Variants in C10orf105 observed in about 807,000 individuals in gnomAD.
The protein encoded by C10orf105 is chromosome 10 open reading frame 105.
A neutral mutation model predicts 0.6 loss-of-function variants in C10orf105; 2 were observed. The ratio of observed to expected loss-of-function variants is 3.18; its 90% confidence interval spans 1.30 to 10.01. The LOEUF (loss-of-function observed/expected upper bound fraction) is 10.01. Ranked by LOEUF, C10orf105 falls within the 30% of genes most tolerant of loss-of-function variation. The probability of loss-of-function intolerance (pLI) is 0.04; values close to 1 mark genes in which losing one functional copy is unlikely to be tolerated. For missense variants in C10orf105, 209 were observed against 191.4 expected (o/e 1.09, Z -0.54); for synonymous variants, 95 against 82.4 (o/e 1.15, Z -0.83).
intron 1 of C10orf105, among the ~76,000 whole-genome samples, chr10:71,726,433 C>T (rs1035379705): frequency 1.3e-5 from 2 of 152,202 alleles, no homozygotes; most frequent in Admixed American, 1.3e-4. Flanking sequence ...GGTCTGATTG[C>T]TCAGGGGCTG....
At chr10:71,733,612 T>C (rs927184556) in intron 1 of C10orf105, among the ~76,000 whole-genome samples, 2 of 152,178 alleles carry the variant, frequency 1.3e-5, no homozygotes, top group Non-Finnish European at 2.9e-5. Context: ...ATTTCTTATA[T>C]CACAATGTCA....
rs1866167321 is a variant in C10orf105, at chr10:71,715,418, A to G, written c.*518T>C. The stretch of plus-strand genomic sequence containing the variant: ...AGGGCACCAGGCAGATGCTGGCAGC[A>G]CCCGGGAAACCCAAGGAAGAGAGCC... On this transcript the variant is annotated 3_prime_UTR_variant, in exon 2 of 2. Transcript: ENST00000441508. 6.6e-6 allele frequency: 1 copy of G among 152,368 alleles called. No homozygotes were observed. The highest frequency in any genetic ancestry group is 1.5e-5 in the Non-Finnish European group (1 of 68,168). The allele number at this position is 152,368 out of a possible 1,614,324, so 9.4% of individuals were successfully genotyped here. A position where few individuals can be genotyped will look rare whatever the true frequency, so the allele number is the denominator to read the frequency against.
At chr10:71,737,387 A>T (rs905048474) in intron 1 of C10orf105, among the ~76,000 whole-genome samples, 3 of 152,242 alleles carry the variant, frequency 2.0e-5, no homozygotes, top group Non-Finnish European at 4.4e-5. Context: ...CGTGCAGCTC[A>T]TAAGTGGTTG....
At chr10:71,734,749 C>G (rs1179588936) in intron 1 of C10orf105, 3 of 829,066 alleles carry the variant, frequency 3.6e-6, no homozygotes, top group Non-Finnish European at 5.6e-6. Context: ...TCCCACCTCT[C>G]CCAGAGAGAA....
rs991884725 is a variant in C10orf105 at position 71,712,526 on chromosome 10, G to A, written c.*3410C>T. 11 of 815,972 alleles carry A rather than the reference G, an allele frequency of 1.3e-5. No individual in the cohort carries two copies. In the African/African-American group the frequency reaches 1.9e-4, roughly 14 times the overall value. The allele number at this position is 815,972 out of a possible 1,614,324, so 50.5% of individuals were successfully genotyped here. ...GTGTTATTCCTAAGCTAAAAAGGAA[G>A]TCACCCCTTGCAAAGGCTAGGGCAG... On this transcript the variant is annotated 3_prime_UTR_variant, in exon 2 of 2. Coordinates refer to ENST00000441508, the MANE Select transcript of C10orf105 (RefSeq NM_001164375.3).
At chr10:71,726,599 A>G (rs1308533429) in intron 1 of C10orf105, among the ~76,000 whole-genome samples, 2 of 152,220 alleles carry the variant, frequency 1.3e-5, no homozygotes, top group Non-Finnish European at 1.5e-5. Context: ...CCTGGTTCTT[A>G]CAGGGCCCTG....
At position 71,732,682 on chromosome 10, in the gene C10orf105, T is replaced by C. The variant is rs1406995940; in HGVS notation, c.-6+5046A>G. On this transcript the variant is annotated intron_variant, in intron 1 of 1. Coordinates refer to the C10orf105 transcript ENST00000398786. The stretch of plus-strand genomic sequence containing the variant: ...CCGAGATCAATATCCCTGTAACACA[T>C]CCATTTTCATATGTAGGAGTAAGAT... 9.7e-6 allele frequency: 13 copies of C among 1,336,346 alleles called. No homozygotes were observed. In the Admixed American group the frequency reaches 2.0e-4, roughly 21 times the overall value. 82.8% of individuals were successfully genotyped at this position (1,336,346 alleles called of 1,614,324 possible).
chr10:71,730,597 A>C, intron 1 of C10orf105: 1 of 1,613,880 alleles, frequency 6.2e-7, no homozygotes, highest in Non-Finnish European at 8.5e-7. Flanking sequence ...CCACAGACCG[A>C]GACTCTGGTG....
chr10:71,722,746 A>G (rs1401180767), upstream of C10orf105, among the ~76,000 whole-genome samples: 1 of 152,212 alleles, frequency 6.6e-6, no homozygotes, highest in East Asian at 1.9e-4. Flanking sequence ...GAGGGCATGA[A>G]CATGCAAATA....
chr10:71,720,173 G>A (rs1389376611), upstream of C10orf105, among the ~76,000 whole-genome samples: 1 of 152,178 alleles, frequency 6.6e-6, no homozygotes, highest in African/African-American at 2.4e-5. Context: ...GAGAGTGCTG[G>A]TCCCTGGCAG....
Position 71,715,807 on chromosome 10 carries a change from C to T in C10orf105, c.*129G>A, listed in dbSNP as rs906886284. The T allele has an allele frequency of 1.0e-4, 93 of 896,062 alleles. No homozygotes were observed. The highest frequency in any genetic ancestry group is 7.3e-5 in the Admixed American group (2 of 27,538). The allele number at this position is 896,062 out of a possible 1,614,324, so 55.5% of individuals were successfully genotyped here. ...GCTGGCCTGGGCATGCAAGGAGCTT[C>T]GGGGGGTGAGTGTGTGTCCCAGACT... On this transcript the variant is annotated 3_prime_UTR_variant, in exon 2 of 2. Transcript: ENST00000441508.
At chr10:71,732,715 A>G in intron 1 of C10orf105, 1 of 1,242,708 alleles carries the variant, frequency 8.0e-7, no homozygotes, top group Non-Finnish European at 1.0e-6. Flanking sequence ...GATAAAGTTT[A>G]TACCTATGCA....
In C10orf105 at chr10:71,718,906, GA is replaced by G. The variant is rs78421738; in HGVS notation, c.-6+720del. ...ACATAGTGAGTCTTCATTTCTGAAAGAAAAAAAAAAAAGGTTTTTTAATTAG... is the reference window on the plus strand; with the variant it reads ...ACATAGTGAGTCTTCATTTCTGAAAGAAAAAAAAAAAGGTTTTTTAATTAG... On this transcript the variant is annotated intron_variant, in intron 1 of 1. Transcript: ENST00000441508. 7.0e-3 allele frequency among the ~76,000 whole-genome samples: 979 copies of G among 138,876 alleles called. 12 individuals are homozygous for G. The highest frequency in any genetic ancestry group is 0.022 in the African/African-American group (830 of 38,112). The allele number at this position is 138,876 out of a possible 152,430, so 91.1% of individuals were successfully genotyped here. A position where few individuals can be genotyped will look rare whatever the true frequency, so the allele number is the denominator to read the frequency against.
chr10:71,714,551 C>A lies in C10orf105; in HGVS notation c.*1385G>T, dbSNP rs1351138571. 6.6e-6 allele frequency: 1 copy of A among 152,216 alleles called. No homozygotes were observed. Among genetic ancestry groups the A allele is most frequent in the African/African-American group, 2.4e-5 (1 of 41,430 alleles). 9.4% of individuals were successfully genotyped at this position (152,216 alleles called of 1,614,324 possible). A position where few individuals can be genotyped will look rare whatever the true frequency, so the allele number is the denominator to read the frequency against. On this transcript the variant is annotated 3_prime_UTR_variant, in exon 2 of 2. Coordinates refer to ENST00000441508, the MANE Select transcript of C10orf105 (RefSeq NM_001164375.3). ...CTTCACAGAGTGGGTGTGTGTGAAGCATAAGCCACAGTTAGTGGGTGACAG... is the reference window on the plus strand; with the variant it reads ...CTTCACAGAGTGGGTGTGTGTGAAGAATAAGCCACAGTTAGTGGGTGACAG...
chr10:71,725,595 A>G lies in C10orf105; in HGVS notation c.-5-9253T>C. The stretch of plus-strand genomic sequence containing the variant: ...CACAGCTAGAACAGAGAAGGCCATT[A>G]GTTGGCGCCTGGTGTGGGCAGGGCC... On this transcript the variant is annotated intron_variant, in intron 1 of 1. Coordinates refer to the C10orf105 transcript ENST00000398786. 5.3e-6 allele frequency: 8 copies of G among 1,510,376 alleles called. No homozygotes were observed. In the South Asian group the frequency reaches 8.6e-5, roughly 16 times the overall value. The allele number at this position is 1,510,376 out of a possible 1,614,324, so 93.6% of individuals were successfully genotyped here.
In C10orf105 at chr10:71,732,291, C is replaced by A. The variant is rs754263998; in HGVS notation, c.-6+5437G>T. The A allele has an allele frequency of 1.2e-6, 2 of 1,612,714 alleles. No homozygotes were observed. The highest frequency in any genetic ancestry group is 2.2e-5 in the South Asian group (2 of 90,836). On this transcript the variant is annotated intron_variant, in intron 1 of 1. Coordinates refer to the C10orf105 transcript ENST00000398786. ...TTGTGCGGGTCCAGGCCTACTCCAT[C>A]GACAACCTCAACCAAATCACGTACC...
intron 1 of C10orf105, among the ~76,000 whole-genome samples, chr10:71,735,317 C>G (rs1459063492): frequency 1.3e-5 from 2 of 152,126 alleles, no homozygotes; most frequent in East Asian, 3.9e-4. Flanking sequence ...CAGAGAAGAC[C>G]ATGTGCTGGG....
chr10:71,721,525 A>G (rs1866554270), upstream of C10orf105, among the ~76,000 whole-genome samples: 1 of 152,216 alleles, frequency 6.6e-6, no homozygotes, highest in Admixed American at 6.5e-5. Flanking sequence ...GGGCTAAAGT[A>G]CTTATCCATA....
chr10:71,732,020 C>A, intron 1 of C10orf105: 1 of 1,613,896 alleles, frequency 6.2e-7, no homozygotes, highest in Non-Finnish European at 8.5e-7. Flanking sequence ...CGCATCCTGT[C>A]GGGCGCAGAG....
Sources: allele counts gnomAD v4.1 joint callset (sites outside exome capture counted in the v4.1 genomes callset), GRCh38; gene constraint gnomAD v4.1.1; transcripts MANE v1.5; gene names NCBI Gene and HGNC (gene_info 2026-07-23, HGNC 2026-07-21).